ROBO2: variants seen among roughly 807,000 people sequenced by gnomAD.
ROBO2 encodes roundabout homolog 2.
A neutral mutation model predicts 160.8 loss-of-function variants in ROBO2; 53 were observed. The observed-to-expected ratio is 0.33, with a 90% confidence interval of 0.26 to 0.41. ROBO2 has a LOEUF of 0.41. Among genes scored for constraint, ROBO2 ranks in the 10% least tolerant of loss-of-function variants. ROBO2 has a pLI of 1.00. For synonymous variants in ROBO2, 664 were observed against 611.7 expected, an observed-to-expected ratio of 1.09 and a Z score of -1.26; for missense variants, 1,577 against 1,722.4, an observed-to-expected ratio of 0.92 and a Z score of 1.49.
intron 2 of ROBO2, among the ~76,000 whole-genome samples, chr3:76,935,644 G>A (rs1234295660): frequency 1.3e-5 from 2 of 152,180 alleles, no homozygotes; most frequent in African/African-American, 4.8e-5. Context: ...CAAGGTGCCA[G>A]CAGATTGGGT....
intron 2 of ROBO2, among the ~76,000 whole-genome samples, chr3:76,402,789 C>T (rs942649831): frequency 2.0e-5 from 3 of 151,590 alleles, no homozygotes; most frequent in Admixed American, 6.6e-5. Flanking sequence ...ATTTGAATTT[C>T]TCTGATGCAG....
At chr3:77,086,524 G>A (rs145184357) in intron 1 of ROBO2, among the ~76,000 whole-genome samples, 38 of 152,190 alleles carry the variant, frequency 2.5e-4, no homozygotes, top group African/African-American at 8.7e-4. Context: ...GCACATATCT[G>A]CACAAAATTT....
chr3:76,212,290 C>T (rs533394276), intron 2 of ROBO2, among the ~76,000 whole-genome samples: 67 of 151,734 alleles, frequency 4.4e-4, no homozygotes, highest in African/African-American at 1.4e-3. Flanking sequence ...AGCTTGCAAT[C>T]GTATGGAGAA....
chr3:77,408,861 G>A (rs1000707772), intron 2 of ROBO2, among the ~76,000 whole-genome samples: 4 of 151,772 alleles, frequency 2.6e-5, no homozygotes, highest in African/African-American at 4.8e-5. Flanking sequence ...CATAGCTGGG[G>A]CTACAGGCAT....
intron 1 of ROBO2, among the ~76,000 whole-genome samples, chr3:75,931,137 C>T (rs987498965): frequency 7.9e-5 from 12 of 152,290 alleles, no homozygotes; most frequent in Non-Finnish European, 1.3e-4. Flanking sequence ...CAGATTCCTA[C>T]TTTTCAGTTT....
chr3:76,557,928 C>T (rs1288742778), intron 2 of ROBO2, among the ~76,000 whole-genome samples: 1 of 150,548 alleles, frequency 6.6e-6, no homozygotes, highest in Non-Finnish European at 1.5e-5. Context: ...TTAAATATAA[C>T]AATGGAGCTT....
At chr3:77,606,051 G>A (rs768788216) in intron 20 of ROBO2, among the ~76,000 whole-genome samples, 1 of 152,132 alleles carries the variant, frequency 6.6e-6, no homozygotes, top group Non-Finnish European at 1.5e-5. Context: ...AAGGATTAAG[G>A]TTCATCTACC....
intron 2 of ROBO2, among the ~76,000 whole-genome samples, chr3:76,671,531 A>C (rs1349090674): frequency 6.6e-6 from 1 of 152,142 alleles, no homozygotes; most frequent in African/African-American, 2.4e-5. Flanking sequence ...TAGATATGAA[A>C]ATTCCAGTCA....
At chr3:77,375,524 T>C (rs928328480) in intron 2 of ROBO2, among the ~76,000 whole-genome samples, 4 of 152,220 alleles carry the variant, frequency 2.6e-5, no homozygotes, top group Non-Finnish European at 5.9e-5. Context: ...TTGTGTTGAC[T>C]AGTAATCTTT....
intron 2 of ROBO2, among the ~76,000 whole-genome samples, chr3:76,947,901 T>G (rs1022753998): frequency 6.6e-6 from 1 of 152,174 alleles, no homozygotes; most frequent in Non-Finnish European, 1.5e-5. Flanking sequence ...TCTATTTGTT[T>G]TATATTCAAT....
At chr3:77,408,284 GTGTA>G (rs1225997520) in intron 2 of ROBO2, among the ~76,000 whole-genome samples, 1 of 152,120 alleles carries the variant, frequency 6.6e-6, no homozygotes. Context: ...GTTTGTGCGT[GTGTA>G]TGTGTCGTTT....
At chr3:76,409,671 G>T (rs1052079972) in intron 2 of ROBO2, among the ~76,000 whole-genome samples, 6 of 152,032 alleles carry the variant, frequency 3.9e-5, no homozygotes, top group African/African-American at 1.2e-4. Context: ...ACTAAGCTCT[G>T]TTCCTTAATA....
intron 2 of ROBO2, among the ~76,000 whole-genome samples, chr3:76,877,725 C>T (rs545410701): frequency 3.7e-4 from 56 of 152,282 alleles, no homozygotes; most frequent in Admixed American, 1.6e-3. Flanking sequence ...GCTTAAACAA[C>T]AATTTATTTG....
chr3:77,562,681 G>T (rs770776986), exon 10 of ROBO2: 2 of 1,612,416 alleles, frequency 1.2e-6, no homozygotes, highest in South Asian at 2.2e-5. Context: ...TACTTGTGTG[G>T]CTACAAGTTC....
At chr3:76,585,569 T>A (rs1270562041) in intron 2 of ROBO2, among the ~76,000 whole-genome samples, 1 of 152,200 alleles carries the variant, frequency 6.6e-6, no homozygotes. Context: ...ATGCTGCTTA[T>A]TTAGGACCCA....
At chr3:75,931,089 A>G (rs1947511886) in intron 1 of ROBO2, among the ~76,000 whole-genome samples, 1 of 152,182 alleles carries the variant, frequency 6.6e-6, no homozygotes, top group Non-Finnish European at 1.5e-5. Context: ...TCTTTCAGCC[A>G]CATCTCACAT....
At chr3:76,068,430 G>T (rs1383503941) in intron 2 of ROBO2, among the ~76,000 whole-genome samples, 7 of 152,150 alleles carry the variant, frequency 4.6e-5, no homozygotes, top group Admixed American at 1.3e-4. Context: ...CACTGTGGGT[G>T]CTATGGAGAA....
chr3:76,214,623 C>G (rs138352424), intron 2 of ROBO2, among the ~76,000 whole-genome samples: 7,342 of 152,282 alleles, frequency 0.048, 371 homozygotes, highest in East Asian at 0.22. Flanking sequence ...GGAAGGGCGT[C>G]CGCCATTGCT....
chr3:76,737,605 C>G (rs1202951173), intron 2 of ROBO2, among the ~76,000 whole-genome samples: 1 of 152,070 alleles, frequency 6.6e-6, no homozygotes, highest in African/African-American at 2.4e-5. Flanking sequence ...CTCTATTTTT[C>G]CTTAGCTATA....
Sources: gnomAD v4.1 joint callset for allele counts (sites outside exome capture counted in the v4.1 genomes callset) on GRCh38, gnomAD v4.1.1 for gene constraint, MANE v1.5 for transcripts, NCBI Gene and HGNC (gene_info 2026-07-23, HGNC 2026-07-21) for gene names.